ABI2: variants seen among roughly 807,000 people sequenced by gnomAD.
ABI2 encodes abl interactor 2.
ABI2 carries 25 observed loss-of-function variants against 59.2 expected under a neutral mutation model. The observed-to-expected ratio is 0.42, with a 90% CI of 0.31 to 0.59. The LOEUF is 0.59. ABI2 is among the 20% of genes least tolerant of loss of function. The pLI is 0.14. For missense variants in ABI2, 545 were observed against 681.8 expected (o/e 0.80, Z 2.23); for synonymous variants, 213 against 235.5 (o/e 0.90, Z 0.87).
At chr2:203,424,673 A>G (rs563486415) in intron 11 of ABI2, among the ~76,000 whole-genome samples, 2 of 152,352 alleles carry the variant, frequency 1.3e-5, no homozygotes, top group South Asian at 2.1e-4. Context: ...TTCTGGGATT[A>G]TAGGTGTGAG....
At chr2:203,377,812 G>A (rs750326278) in intron 2 of ABI2, among the ~76,000 whole-genome samples, 8 of 152,128 alleles carry the variant, frequency 5.3e-5, no homozygotes, top group Non-Finnish European at 8.8e-5. Flanking sequence ...AAGCTCAGGC[G>A]GGAGAATCAT....
chr2:203,391,264 G>GTATAACTTCC (rs2096732470), intron 5 of ABI2, 121 bp downstream of exon 5: 1 of 645,544 alleles, frequency 1.5e-6, no homozygotes. Context: ...TAGGATTGTT[G>GTATAACTTCC]TTTGTGTGTA....
At chr2:203,404,928 A>G (rs766676309) in intron 9 of ABI2, among the ~76,000 whole-genome samples, 13 of 152,184 alleles carry the variant, frequency 8.5e-5, no homozygotes, top group Admixed American at 3.3e-4. Context: ...TGTAGGTAGA[A>G]TTTATTTGAA....
In ABI2 at chr2:203,428,466, C is replaced by A. The variant is rs1005066540; in HGVS notation, c.*1114C>A. The A allele has an allele frequency of 6.6e-6, 1 of 152,448 alleles. No homozygotes were observed. The highest frequency in any genetic ancestry group is 2.4e-5 in the African/African-American group (1 of 41,316). 9.4% of individuals were successfully genotyped at this position (152,448 alleles called of 1,614,324 possible). A position where few individuals can be genotyped will look rare whatever the true frequency, so the allele number is the denominator to read the frequency against. On this transcript the variant is annotated 3_prime_UTR_variant, in exon 12 of 12. Coordinates refer to ENST00000261018, the MANE Select transcript of ABI2 (RefSeq NM_001375670.1). ...TTAGCTGTAGAAAGGGTAATACTCT[C>A]CTGATTTTGTATGATTGGACTCTTA... is the stretch of plus-strand genomic sequence containing the variant.
chr2:203,414,119 T>C (rs2097788057), intron 10 of ABI2, among the ~76,000 whole-genome samples: 1 of 122,684 alleles, frequency 8.2e-6, no homozygotes, highest in African/African-American at 2.7e-5. Flanking sequence ...TTTTTTTTTT[T>C]TGGAGACAGT....
At chr2:203,366,795 T>G in intron 1 of ABI2, 82 bp from the exon 2 acceptor site, 1 of 1,365,020 alleles carries the variant, frequency 7.3e-7, no homozygotes, top group Non-Finnish European at 9.8e-7. Context: ...GCAGAATCGT[T>G]GTGATGAGTT....
intron 5 of ABI2, 25 bp from the exon 6 acceptor site, chr2:203,394,675 A>G (rs367846935): frequency 3.1e-6 from 5 of 1,601,920 alleles, no homozygotes; most frequent in Middle Eastern, 3.4e-4. Context: ...TTAATCATAC[A>G]ATACATACGC....
At chr2:203,331,890 A>G (rs1269218993) in intron 1 of ABI2, among the ~76,000 whole-genome samples, 2 of 149,884 alleles carry the variant, frequency 1.3e-5, no homozygotes, top group Non-Finnish European at 3.0e-5. Context: ...GCTCACTGCA[A>G]CCTTCGTCCC....
intron 2 of ABI2, among the ~76,000 whole-genome samples, chr2:203,371,575 C>T (rs999615718): frequency 6.6e-6 from 1 of 152,078 alleles, no homozygotes; most frequent in African/African-American, 2.4e-5. Context: ...GAAATTTCAT[C>T]TCTAGCTTTG....
intron 9 of ABI2, 97 bp from the exon 10 acceptor site, chr2:203,411,188 T>C: frequency 1.1e-6 from 1 of 941,806 alleles, no homozygotes; most frequent in East Asian, 2.5e-5. Flanking sequence ...TGAATAGTAG[T>C]TTCCCTCCTT....
intron 1 of ABI2, among the ~76,000 whole-genome samples, chr2:203,365,559 C>G (rs965604339): frequency 2.7e-5 from 4 of 148,742 alleles, no homozygotes; most frequent in Admixed American, 6.7e-5. Context: ...TTTTGTTACT[C>G]TGGGATCAAG....
At chr2:203,415,513 A>G (rs1339155739) in intron 10 of ABI2, among the ~76,000 whole-genome samples, 2 of 144,728 alleles carry the variant, frequency 1.4e-5, no homozygotes, top group Non-Finnish European at 3.0e-5. Context: ...GCTACTTGGG[A>G]GGGTGAGGCA....
At chr2:203,420,397 T>C (rs1474954113) in intron 11 of ABI2, among the ~76,000 whole-genome samples, 1 of 11,140 alleles carries the variant, frequency 9.0e-5, no homozygotes, top group Non-Finnish European at 6.6e-4. Context: ...TGACAGTCCC[T>C]TTTTTTTTTT....
chr2:203,375,972 A>G, intron 2 of ABI2: 1 of 1,085,406 alleles, frequency 9.2e-7, no homozygotes, highest in Non-Finnish European at 1.3e-6. Flanking sequence ...TATGATGGCA[A>G]GAATGCAAAT....
At chr2:203,338,472 G>T (rs1450176241) in intron 1 of ABI2, among the ~76,000 whole-genome samples, 4 of 151,954 alleles carry the variant, frequency 2.6e-5, no homozygotes, top group East Asian at 1.9e-4. Context: ...CTTGGTTCAC[G>T]TGAGAACTGG....
chr2:203,412,688 C>G (rs1235233864), intron 10 of ABI2, among the ~76,000 whole-genome samples: 1 of 152,168 alleles, frequency 6.6e-6, no homozygotes, highest in Non-Finnish European at 1.5e-5. Context: ...CCCACACTGG[C>G]TCGAGGAGAA....
rs542070384 is a variant in ABI2 at position 203,370,871 on chromosome 2, TA to T, written c.285+3828del. Among the ~76,000 whole-genome samples, 16 of 152,330 alleles carry T rather than the reference TA, an allele frequency of 1.1e-4. No individual in the cohort carries two copies. The East Asian group carries it at 3.1e-3, about 29-fold the overall frequency. ...TTAGGACTAGTAGATACTAGTTATC[TA>T]GGGTATTGAGTTTCTTTTCCCATTA... On this transcript the variant is annotated intron_variant, in intron 2 of 11. Coordinates refer to ENST00000261018, the MANE Select transcript of ABI2 (RefSeq NM_001375670.1).
Position 203,429,415 on chromosome 2 carries a change from G to T in ABI2, c.*2063G>T, listed in dbSNP as rs2098465161. On this transcript the variant is annotated 3_prime_UTR_variant, in exon 12 of 12. Transcript: ENST00000261018. ...TTATTTATTTAAACAGCTTTTTGCTGAGAAAGCTTAGTGGATTAATGAGGC... is the reference window on the plus strand; with the variant it reads ...TTATTTATTTAAACAGCTTTTTGCTTAGAAAGCTTAGTGGATTAATGAGGC... 1.3e-5 allele frequency: 2 copies of T among 152,194 alleles called. 1 individual carries two copies. The highest frequency in any genetic ancestry group is 4.1e-4 in the South Asian group (2 of 4,834). 9.4% of individuals were successfully genotyped at this position (152,194 alleles called of 1,614,324 possible).
intron 1 of ABI2, among the ~76,000 whole-genome samples, chr2:203,345,486 C>T (rs1412136881): frequency 6.6e-6 from 1 of 152,202 alleles, no homozygotes; most frequent in Non-Finnish European, 1.5e-5. Flanking sequence ...TCTTAGCTCA[C>T]TGCAATCTCC....
Sources: allele counts gnomAD v4.1 joint callset (sites outside exome capture counted in the v4.1 genomes callset), GRCh38; gene constraint gnomAD v4.1.1; transcripts MANE v1.5; gene names NCBI Gene and HGNC (gene_info 2026-07-23, HGNC 2026-07-21).